Variants in ZDHHC15 observed in about 807,000 individuals in gnomAD.
ZDHHC15 encodes the protein palmitoyltransferase ZDHHC15.
In ZDHHC15, 19 loss-of-function variants were observed where a neutral mutation model predicts 31.7. That is an observed-to-expected ratio of 0.60 (90% CI 0.42 to 0.88). The LOEUF is 0.88. Among genes scored for constraint, ZDHHC15 ranks in the 40% least tolerant of loss-of-function variants. The pLI, the probability that ZDHHC15 is intolerant of heterozygous loss-of-function variation, is 0.00. For missense variants in ZDHHC15, 209 were observed against 251.2 expected (o/e 0.83, Z 1.14); for synonymous variants, 103 against 90.0 (o/e 1.14, Z -0.82).
intron 3 of ZDHHC15, among the ~76,000 whole-genome samples, chrX:75,469,524 G>A (rs773316994): frequency 2.5e-3 from 282 of 111,764 alleles, no homozygotes; most frequent in Non-Finnish European, 4.7e-3. Context: ...CACTTAGTAC[G>A]ATGTCCTGAA....
At chrX:75,505,614 C>T (rs1026505478) in intron 2 of ZDHHC15, among the ~76,000 whole-genome samples, 1 of 111,024 alleles carries the variant, frequency 9.0e-6, no homozygotes, top group African/African-American at 3.3e-5. Flanking sequence ...CTGATAATTT[C>T]CAATTCTTGC....
intron 11 of ZDHHC15, among the ~76,000 whole-genome samples, chrX:75,373,326 G>A (rs186754956): frequency 2.7e-5 from 3 of 110,970 alleles, no homozygotes; most frequent in African/African-American, 9.8e-5. Context: ...CTTTGAAATT[G>A]GGCAATTATG....
intron 9 of ZDHHC15, 24 bp from the exon 10 acceptor site, chrX:75,417,214 A>G (rs1296326743): frequency 2.8e-6 from 3 of 1,076,020 alleles, no homozygotes; most frequent in Admixed American, 4.7e-5. Context: ...AAAGGCAGTG[A>G]CCTATTGCAG....
intron 3 of ZDHHC15, among the ~76,000 whole-genome samples, chrX:75,461,803 CTG>C (rs2084319785): frequency 8.9e-6 from 1 of 111,846 alleles, no homozygotes. Context: ...AAAGGGAAGA[CTG>C]TTACAAGTCA....
chrX:75,394,379 A>T (rs1028105088), intron 10 of ZDHHC15, among the ~76,000 whole-genome samples: 1 of 110,639 alleles, frequency 9.0e-6, no homozygotes, highest in Non-Finnish European at 1.9e-5. Flanking sequence ...CAATAATAAC[A>T]TTGAATGTAA....
At chrX:75,444,681 T>C (rs199932337) in intron 4 of ZDHHC15, among the ~76,000 whole-genome samples, 19,139 of 39,114 alleles carry the variant, frequency 0.49, 5,569 homozygotes, top group East Asian at 0.84. Flanking sequence ...TATATATATA[T>C]ATATATACAC....
chrX:75,420,511 T>C, intron 9 of ZDHHC15, among the ~76,000 whole-genome samples: 1 of 111,452 alleles, frequency 9.0e-6, no homozygotes, highest in East Asian at 2.8e-4. Flanking sequence ...CACACGTATG[T>C]TTATTACAGC....
At chrX:75,487,579 G>T (rs747284590) in intron 2 of ZDHHC15, among the ~76,000 whole-genome samples, 1 of 111,918 alleles carries the variant, frequency 8.9e-6, no homozygotes, top group Non-Finnish European at 1.9e-5. Flanking sequence ...ACTCAAATAA[G>T]AAGGAACCAG....
At position 75,438,945 on chromosome X, in the gene ZDHHC15, C is replaced by A. The variant is rs1209386244; in HGVS notation, c.380-7425G>T. On this transcript the variant is annotated intron_variant, in intron 4 of 11. Transcript: ENST00000373367. ...CTTTCGCTGGATACAAAATTCTTGG[C>A]TGGTAATTATTTTCTTAAAGAGGCA... Among the ~76,000 whole-genome samples the A allele has an allele frequency of 3.0e-4, 33 of 111,399 alleles. No individual in the cohort carries two copies. The Admixed American group carries it at 3.2e-3, about 11-fold the overall frequency.
intron 3 of ZDHHC15, among the ~76,000 whole-genome samples, chrX:75,462,363 C>A (rs867596434): frequency 1.1e-4 from 12 of 112,107 alleles, no homozygotes; most frequent in Non-Finnish European, 2.1e-4. Flanking sequence ...TTAGTCAGAT[C>A]ATCAACACAG....
At chrX:75,507,026 A>G (rs956125662) in intron 1 of ZDHHC15, among the ~76,000 whole-genome samples, 1 of 111,008 alleles carries the variant, frequency 9.0e-6, no homozygotes, top group Non-Finnish European at 1.9e-5. Flanking sequence ...CAGGAGTGGG[A>G]GCCGGTGAAT....
intron 2 of ZDHHC15, among the ~76,000 whole-genome samples, chrX:75,492,867 A>G (rs2084922332): frequency 8.9e-6 from 1 of 111,911 alleles, no homozygotes; most frequent in African/African-American, 3.2e-5. Flanking sequence ...TCACAATTAA[A>G]AGAACTAGAG....
intron 10 of ZDHHC15, among the ~76,000 whole-genome samples, chrX:75,391,239 C>T (rs779660858): frequency 2.7e-5 from 3 of 111,434 alleles, no homozygotes; most frequent in Admixed American, 9.5e-5. Flanking sequence ...TAGCCTAAAA[C>T]TGGCAAATCT....
intron 3 of ZDHHC15, among the ~76,000 whole-genome samples, chrX:75,458,461 T>G (rs1468661234): frequency 8.9e-6 from 1 of 112,006 alleles, no homozygotes; most frequent in Non-Finnish European, 1.9e-5. Context: ...AGAGTCTGTA[T>G]GTTATACTTC....
chrX:75,466,338 G>C (rs1311588047), intron 3 of ZDHHC15, among the ~76,000 whole-genome samples: 1 of 111,794 alleles, frequency 8.9e-6, no homozygotes, highest in African/African-American at 3.3e-5. Flanking sequence ...TTACACTGTT[G>C]GTGGGAGTGT....
At chrX:75,445,776 T>G (rs769751374) in intron 4 of ZDHHC15, among the ~76,000 whole-genome samples, 1 of 111,653 alleles carries the variant, frequency 9.0e-6, no homozygotes, top group Non-Finnish European at 1.9e-5. Context: ...GGGAAGACCC[T>G]TATGAAGCCA....
At chrX:75,463,755 C>A (rs1287770777) in intron 3 of ZDHHC15, among the ~76,000 whole-genome samples, 1 of 111,629 alleles carries the variant, frequency 9.0e-6, no homozygotes. Context: ...CCATCTCACA[C>A]CAGTTAGAAT....
intron 2 of ZDHHC15, among the ~76,000 whole-genome samples, chrX:75,492,570 T>A (rs917124111): frequency 4.5e-5 from 5 of 111,644 alleles, no homozygotes; most frequent in Non-Finnish European, 5.6e-5. Context: ...ACAGAAATTA[T>A]AACAAACTGT....
At chrX:75,474,550 A>ATATATATATAATCCCCTT (rs1276856515) in intron 3 of ZDHHC15, among the ~76,000 whole-genome samples, 1 of 102,146 alleles carries the variant, frequency 9.8e-6, no homozygotes, top group African/African-American at 3.6e-5. Flanking sequence ...TCCCCTTTAT[A>ATATATATATAATCCCCTT]TATATATATA....
Sources: gnomAD v4.1 joint callset for allele counts (sites outside exome capture counted in the v4.1 genomes callset) on GRCh38, gnomAD v4.1.1 for gene constraint, MANE v1.5 for transcripts, NCBI Gene and HGNC (gene_info 2026-07-23, HGNC 2026-07-21) for gene names.